PRH1: variants seen among roughly 807,000 people sequenced by gnomAD.
The protein encoded by PRH1 is proline rich protein HaeIII subfamily 1.
PRH1 carries 7 observed loss-of-function variants against 7.9 expected under a neutral mutation model. The ratio of observed to expected loss-of-function variants is 0.89; its 90% CI spans 0.50 to 1.67. The LOEUF is 1.67. Ranked by LOEUF, PRH1 falls within the 40% of genes most tolerant of loss-of-function variation. The pLI is 0.00. For synonymous variants in PRH1, 45 were observed against 80.8 expected, an observed-to-expected ratio of 0.56 and a Z score of 2.38; for missense variants, 109 against 223.6, an observed-to-expected ratio of 0.49 and a Z score of 3.27.
At chr12:10,908,140 G>T (rs774602473) in intron 2 of PRH1, 298 of 433,626 alleles carry the variant, frequency 6.9e-4, no homozygotes, top group Middle Eastern at 1.2e-3. Context: ...ATTTACAATA[G>T]AATCTGCCAA....
At chr12:11,125,509 A>G (rs995632868) in intron 1 of PRH1, among the ~76,000 whole-genome samples, 7 of 152,298 alleles carry the variant, frequency 4.6e-5, no homozygotes, top group Admixed American at 1.3e-4. Flanking sequence ...GTTATACTAC[A>G]TATGTTTTAT....
At chr12:11,052,211 CATTA>C (rs755329879) in intron 1 of PRH1, among the ~76,000 whole-genome samples, 6 of 146,618 alleles carry the variant, frequency 4.1e-5, no homozygotes, top group Non-Finnish European at 7.6e-5. Context: ...TATTTTTCGT[CATTA>C]ATTTTTATTG....
intron 2 of PRH1, chr12:10,908,466 G>A (rs370341557): frequency 1.2e-6 from 2 of 1,613,768 alleles, no homozygotes; most frequent in African/African-American, 2.7e-5. Context: ...CAGAAGAAAG[G>A]AGTGGCTTGA....
At chr12:11,021,753 T>G (rs760461613) in intron 1 of PRH1, 6 of 1,614,186 alleles carry the variant, frequency 3.7e-6, no homozygotes, top group Non-Finnish European at 4.2e-6. Flanking sequence ...ATGAGTGGAA[T>G]GAAGGATACA....
At chr12:10,972,940 C>T (rs981062374) in intron 2 of PRH1, among the ~76,000 whole-genome samples, 5 of 131,788 alleles carry the variant, frequency 3.8e-5, no homozygotes, top group Admixed American at 1.5e-4. Context: ...CCACCCCCCC[C>T]GCCCGCCCAC....
At chr12:11,152,103 T>G (rs1441170208) in intron 1 of PRH1, among the ~76,000 whole-genome samples, 1 of 151,950 alleles carries the variant, frequency 6.6e-6, no homozygotes, top group African/African-American at 2.4e-5. Context: ...TTATTATACT[T>G]TAAGTTTTAG....
intron 2 of PRH1, chr12:10,973,582 G>A: frequency 4.1e-6 from 3 of 732,016 alleles, no homozygotes. Flanking sequence ...AATTTCACCT[G>A]TCTGATACAG....
At chr12:11,071,297 C>A (rs1944055666) in intron 1 of PRH1, among the ~76,000 whole-genome samples, 1 of 151,712 alleles carries the variant, frequency 6.6e-6, no homozygotes, top group Admixed American at 6.6e-5. Flanking sequence ...TACTTGGCCA[C>A]TTTTATAATG....
chr12:11,084,177 C>G (rs76485242), intron 1 of PRH1, among the ~76,000 whole-genome samples: 37,249 of 86,692 alleles, frequency 0.43, 4,000 homozygotes, highest in Non-Finnish European at 0.52. Context: ...TCCTTTGTTC[C>G]GTGGGCTCTT....
chr12:11,119,364 C>A (rs1473793080), downstream of PRH1, among the ~76,000 whole-genome samples: 1 of 150,030 alleles, frequency 6.7e-6, no homozygotes, highest in Non-Finnish European at 1.5e-5. Context: ...TTTGATACCA[C>A]AGCAGAGTGA....
At chr12:11,171,582 G>A (rs996904940), upstream of PRH1, 223 of 1,229,816 alleles carry the variant, frequency 1.8e-4, no homozygotes, top group East Asian at 2.2e-4. Flanking sequence ...CTAAGCTAAC[G>A]GCCTCCGGGG....
intron 1 of PRH1, chr12:10,997,828 T>C (rs1940369488): frequency 3.7e-6 from 6 of 1,611,858 alleles, no homozygotes; most frequent in Non-Finnish European, 5.1e-6. Flanking sequence ...CAAGAATAAA[T>C]GCAACCACTA....
At chr12:10,900,783 A>G (rs1949711928) in intron 2 of PRH1, among the ~76,000 whole-genome samples, 1 of 152,152 alleles carries the variant, frequency 6.6e-6, no homozygotes, top group African/African-American at 2.4e-5. Flanking sequence ...CAGCAGCTTC[A>G]TCTGCTCCAC....
intron 1 of PRH1, among the ~76,000 whole-genome samples, chr12:11,008,119 G>A (rs765676022): frequency 9.9e-5 from 15 of 151,932 alleles, no homozygotes; most frequent in Non-Finnish European, 1.9e-4. Flanking sequence ...GAAAAAAACT[G>A]AAATAAAGCT....
intron 2 of PRH1, chr12:10,930,416 C>A (rs545795022): frequency 6.7e-7 from 1 of 1,490,598 alleles, no homozygotes; most frequent in African/African-American, 1.4e-5. Context: ...ATATCAGTGC[C>A]CCAGAGATAT....
chr12:10,892,202 A>G (rs948878452), intron 2 of PRH1, among the ~76,000 whole-genome samples: 2 of 152,184 alleles, frequency 1.3e-5, no homozygotes, highest in Admixed American at 6.5e-5. Flanking sequence ...CTGTTTGCTC[A>G]CAAGATAAGA....
chr12:10,974,508 C>T (rs373324349), intron 1 of PRH1, among the ~76,000 whole-genome samples: 7 of 152,266 alleles, frequency 4.6e-5, no homozygotes, highest in Non-Finnish European at 8.8e-5. Context: ...CGGCATTCAG[C>T]GCGGGAGTGC....
chr12:11,058,685 T>C (rs746383351), intron 1 of PRH1, among the ~76,000 whole-genome samples: 2 of 152,054 alleles, frequency 1.3e-5, no homozygotes, highest in Non-Finnish European at 2.9e-5. Flanking sequence ...TCAAAGCTGT[T>C]AGAGGCATAC....
intron 2 of PRH1, chr12:10,937,301 C>T (rs1318093453): frequency 6.6e-6 from 1 of 151,440 alleles, no homozygotes; most frequent in African/African-American, 2.4e-5. Context: ...AATGCATAGA[C>T]TAGAAGACAT....
Sources: allele counts gnomAD v4.1 joint callset (sites outside exome capture counted in the v4.1 genomes callset), GRCh38; gene constraint gnomAD v4.1.1; transcripts MANE v1.5; gene names NCBI Gene and HGNC (gene_info 2026-07-23, HGNC 2026-07-21).